GRM5: variants seen among roughly 807,000 people sequenced by gnomAD.
GRM5 encodes glutamate metabotropic receptor 5.
GRM5 carries 19 observed loss-of-function variants against 83.1 expected under a neutral mutation model. The ratio of observed to expected loss-of-function variants is 0.23; its 90% CI spans 0.16 to 0.34. The LOEUF is 0.34. Ranked by LOEUF, GRM5 falls within the 10% of genes least tolerant of loss-of-function variation. The probability of loss-of-function intolerance (pLI) is 1.00; values close to 1 mark genes in which losing one functional copy is unlikely to be tolerated. For missense variants in GRM5, 1,160 were observed against 1,588.3 expected (o/e 0.73, Z 4.58); for synonymous variants, 675 against 633.6 (o/e 1.07, Z -0.98).
intron 2 of GRM5, among the ~76,000 whole-genome samples, chr11:88,855,654 T>G (rs1319634443): frequency 6.6e-6 from 1 of 151,948 alleles, no homozygotes; most frequent in Admixed American, 6.6e-5. Flanking sequence ...TCACTTTAAA[T>G]AATGTGTTTT....
chr11:89,023,766 C>T (rs534858996), intron 2 of GRM5, among the ~76,000 whole-genome samples: 1 of 150,560 alleles, frequency 6.6e-6, no homozygotes, highest in Non-Finnish European at 1.5e-5. Context: ...AGGAGAATTG[C>T]TTGAACCCAG....
intron 3 of GRM5, among the ~76,000 whole-genome samples, chr11:88,821,562 C>G (rs1943795738): frequency 6.6e-6 from 1 of 152,054 alleles, no homozygotes. Context: ...CAGTTCTTCT[C>G]TGGACTATTG....
At chr11:88,873,261 C>T (rs767124928) in intron 2 of GRM5, among the ~76,000 whole-genome samples, 2 of 151,522 alleles carry the variant, frequency 1.3e-5, no homozygotes, top group Non-Finnish European at 3.0e-5. Context: ...ACAATAATAG[C>T]GGTGGGTTTC....
chr11:88,903,742 G>A (rs68129285), intron 2 of GRM5, among the ~76,000 whole-genome samples: 38,725 of 152,100 alleles, frequency 0.25, 6,004 homozygotes, highest in Non-Finnish European at 0.35. Context: ...TAGAGATTAG[G>A]AAGATTGAGT....
intron 2 of GRM5, among the ~76,000 whole-genome samples, chr11:88,918,023 G>A (rs2135622727): frequency 6.6e-6 from 1 of 151,928 alleles, no homozygotes; most frequent in Admixed American, 6.6e-5. Context: ...ACTAACTCAG[G>A]AGATTTAATA....
At chr11:88,860,104 A>C (rs1944537182) in intron 2 of GRM5, among the ~76,000 whole-genome samples, 2 of 152,190 alleles carry the variant, frequency 1.3e-5, no homozygotes, top group African/African-American at 4.8e-5. Flanking sequence ...TTTTGGTGTT[A>C]AATTTTTTGG....
chr11:88,797,094 G>T (rs1943294244), intron 3 of GRM5, among the ~76,000 whole-genome samples: 1 of 152,012 alleles, frequency 6.6e-6, no homozygotes, highest in African/African-American at 2.4e-5. Context: ...CAAAATCTAG[G>T]TGTTCAACAT....
intron 2 of GRM5, among the ~76,000 whole-genome samples, chr11:88,878,977 A>C (rs1476156799): frequency 6.6e-6 from 1 of 152,178 alleles, no homozygotes; most frequent in Non-Finnish European, 1.5e-5. Flanking sequence ...GGGGTTGATG[A>C]AAATTTTCTG....
intron 3 of GRM5, among the ~76,000 whole-genome samples, chr11:88,770,304 C>A (rs1299917591): frequency 6.6e-6 from 1 of 152,050 alleles, no homozygotes; most frequent in Non-Finnish European, 1.5e-5. Flanking sequence ...CAAAGGGAAT[C>A]TTAATAAACT....
intron 2 of GRM5, among the ~76,000 whole-genome samples, chr11:88,889,003 C>A (rs1344442655): frequency 1.3e-5 from 2 of 152,164 alleles, no homozygotes; most frequent in Non-Finnish European, 2.9e-5. Flanking sequence ...TTGCTGACTT[C>A]TTATGCTAAG....
chr11:88,999,831 A>T (rs1940312101), intron 2 of GRM5, among the ~76,000 whole-genome samples: 1 of 152,246 alleles, frequency 6.6e-6, no homozygotes, highest in African/African-American at 2.4e-5. Flanking sequence ...AAGACTTGGA[A>T]CCAACCCAAA....
intron 3 of GRM5, among the ~76,000 whole-genome samples, chr11:88,764,107 G>T (rs1356590220): frequency 6.6e-6 from 1 of 151,644 alleles, no homozygotes; most frequent in Non-Finnish European, 1.5e-5. Context: ...AAATTTGAAA[G>T]TGTCACATGA....
intron 8 of GRM5, among the ~76,000 whole-genome samples, chr11:88,529,058 G>T (rs1455461313): frequency 6.6e-6 from 1 of 152,004 alleles, no homozygotes; most frequent in African/African-American, 2.4e-5. Context: ...TTGCAAATAA[G>T]TAGCAGAGTT....
At chr11:88,583,497 G>A (rs1193680740) in intron 7 of GRM5, among the ~76,000 whole-genome samples, 11 of 152,218 alleles carry the variant, frequency 7.2e-5, no homozygotes, top group South Asian at 2.1e-4. Context: ...TGAAAAGCAG[G>A]AGATAATGCT....
chr11:88,970,786 TGTAGGCAGTGGGAAGTGGGCA>T (rs1939144155), intron 2 of GRM5, among the ~76,000 whole-genome samples: 1 of 152,224 alleles, frequency 6.6e-6, no homozygotes, highest in African/African-American at 2.4e-5. Context: ...GTACACAATA[TGTAGGCAGTGGGAAGTGGGCA>T]GTGGGCAGTG....
intron 3 of GRM5, among the ~76,000 whole-genome samples, chr11:88,717,603 G>C (rs1941426065): frequency 6.6e-6 from 1 of 151,790 alleles, no homozygotes; most frequent in Admixed American, 6.6e-5. Context: ...TTAGCTCTAA[G>C]TAAATAAATC....
rs1350239284 is a variant in GRM5 at position 88,593,786 on chromosome 11, TTCTCTCTTTTTC to T, written c.1564-3071_1564-3060del. 6.7e-5 allele frequency among the ~76,000 whole-genome samples: 5 copies of T among 74,720 alleles called. No homozygotes were observed. The South Asian group carries it at 4.9e-3, about 73-fold the overall frequency. The allele number at this position is 74,720 out of a possible 152,430, so 49.0% of individuals were successfully genotyped here. A position where few individuals can be genotyped will look rare whatever the true frequency, so the allele number is the denominator to read the frequency against. On this transcript the variant is annotated intron_variant, in intron 6 of 9. Transcript: ENST00000305447. ...CTTCTCTCTCTCTCTCTCTCTCTCT[TTCTCTCTTTTTC>T]TCTTTCTTTCTTTTTGACGTAGTCT...
chr11:88,603,115 T>C (rs1938044410), intron 5 of GRM5, among the ~76,000 whole-genome samples: 1 of 152,218 alleles, frequency 6.6e-6, no homozygotes, highest in South Asian at 2.1e-4. Context: ...CTATACATTT[T>C]GTCTGAGTCT....
chr11:88,749,862 A>AT (rs368339224), intron 3 of GRM5, among the ~76,000 whole-genome samples: 79 of 151,668 alleles, frequency 5.2e-4, no homozygotes, highest in African/African-American at 1.5e-3. Flanking sequence ...AGTAAGGAGA[A>AT]TTTTTTTTTG....
Sources: gnomAD v4.1 joint callset for allele counts (sites outside exome capture counted in the v4.1 genomes callset) on GRCh38, gnomAD v4.1.1 for gene constraint, MANE v1.5 for transcripts, NCBI Gene and HGNC (gene_info 2026-07-23, HGNC 2026-07-21) for gene names.